Variants in KCND2 observed in about 807,000 individuals in gnomAD.
KCND2 encodes A-type voltage-gated potassium channel KCND2.
Under a neutral mutation model 54.4 loss-of-function variants are expected in KCND2, and 16 were observed. That is an observed-to-expected ratio of 0.29 (90% CI 0.20 to 0.45). KCND2 has a LOEUF of 0.45. Among genes scored for constraint, KCND2 ranks in the 20% least tolerant of loss-of-function variants. The pLI, the probability that KCND2 is intolerant of heterozygous loss-of-function variation, is 1.00. For synonymous variants in KCND2, 317 were observed against 310.7 expected, an observed-to-expected ratio of 1.02 and a Z score of -0.21; for missense variants, 486 against 824.2, an observed-to-expected ratio of 0.59 and a Z score of 5.02.
At chr7:120,609,872 T>C in intron 1 of KCND2, among the ~76,000 whole-genome samples, 1 of 152,110 alleles carries the variant, frequency 6.6e-6, no homozygotes, top group East Asian at 1.9e-4. Context: ...AGCCCTTTTC[T>C]CACTCACCCT....
At chr7:120,522,930 A>C (rs1037165300) in intron 1 of KCND2, among the ~76,000 whole-genome samples, 1 of 152,174 alleles carries the variant, frequency 6.6e-6, no homozygotes, top group African/African-American at 2.4e-5. Flanking sequence ...TGCCTTCGTT[A>C]CTTAGACATA....
At chr7:120,675,273 C>T (rs981073232) in intron 1 of KCND2, among the ~76,000 whole-genome samples, 4 of 152,046 alleles carry the variant, frequency 2.6e-5, no homozygotes, top group African/African-American at 9.7e-5. Context: ...TGCTCTGTCC[C>T]CCGAGCTGGA....
intron 1 of KCND2, among the ~76,000 whole-genome samples, chr7:120,332,064 T>C (rs1478498059): frequency 6.6e-6 from 1 of 152,096 alleles, no homozygotes; most frequent in Non-Finnish European, 1.5e-5. Context: ...TCGGTTGGCT[T>C]TAAAAATATC....
chr7:120,742,484 C>T, intron 3 of KCND2, 26 bp from the exon 4 acceptor site: 2 of 1,580,592 alleles, frequency 1.3e-6, no homozygotes, highest in South Asian at 2.2e-5. Context: ...AAATAGAAAG[C>T]TCTTCTGTCT....
At chr7:120,420,592 G>T (rs1236930564) in intron 1 of KCND2, among the ~76,000 whole-genome samples, 2 of 152,122 alleles carry the variant, frequency 1.3e-5, no homozygotes, top group Non-Finnish European at 2.9e-5. Flanking sequence ...TTTCAGAAGG[G>T]TGCATATCCA....
chr7:120,653,939 T>A (rs911423269), intron 1 of KCND2, among the ~76,000 whole-genome samples: 2 of 152,210 alleles, frequency 1.3e-5, no homozygotes, highest in Non-Finnish European at 2.9e-5. Context: ...CAGGCTTGTT[T>A]CCCCACAGGG....
chr7:120,556,875 G>A (rs747654780), intron 1 of KCND2, among the ~76,000 whole-genome samples: 1 of 152,162 alleles, frequency 6.6e-6, no homozygotes, highest in Non-Finnish European at 1.5e-5. Context: ...TACCTTGGAT[G>A]GAGATTTGTC....
intron 1 of KCND2, among the ~76,000 whole-genome samples, chr7:120,296,036 A>G (rs1382686372): frequency 6.6e-6 from 1 of 152,164 alleles, no homozygotes; most frequent in Non-Finnish European, 1.5e-5. Flanking sequence ...ATACTCAAGT[A>G]TAATCTACAA....
intron 1 of KCND2, among the ~76,000 whole-genome samples, chr7:120,509,149 A>G (rs550152532): frequency 9.6e-4 from 146 of 152,088 alleles, no homozygotes; most frequent in African/African-American, 3.3e-3. Flanking sequence ...GTGTTAGGTA[A>G]CTCTCACAAC....
At chr7:120,311,162 G>A (rs541913293) in intron 1 of KCND2, among the ~76,000 whole-genome samples, 1 of 151,998 alleles carries the variant, frequency 6.6e-6, no homozygotes, top group African/African-American at 2.4e-5. Flanking sequence ...TTAGGTTCCT[G>A]ATTAACAGAG....
intron 1 of KCND2, among the ~76,000 whole-genome samples, chr7:120,436,942 A>C (rs1033678099): frequency 3.3e-5 from 5 of 152,130 alleles, no homozygotes; most frequent in Admixed American, 2.6e-4. Context: ...TGGAGACTTG[A>C]TCTATGGATA....
At chr7:120,318,716 A>G (rs146691555) in intron 1 of KCND2, among the ~76,000 whole-genome samples, 1 of 152,084 alleles carries the variant, frequency 6.6e-6, no homozygotes, top group Non-Finnish European at 1.5e-5. Context: ...GTCTCATGTT[A>G]TGAAGAAATA....
rs1271249357 is a variant in KCND2, at chr7:120,273,839, T to G, written c.-794T>G. On this transcript the variant is annotated 5_prime_UTR_variant, in exon 1 of 6. Transcript: ENST00000331113. ...CGCCACGGCGGCGGCGGCTGCCAGC[T>G]CCTGAGCTCTGTAACTGTCACACTG... The G allele has an allele frequency of 1.3e-5, 2 of 152,802 alleles. No homozygotes were observed. Among genetic ancestry groups the G allele is most frequent in the Non-Finnish European group, 1.5e-5 (1 of 68,236 alleles). 9.5% of individuals were successfully genotyped at this position (152,802 alleles called of 1,614,324 possible).
Position 120,455,967 on chromosome 7 carries a change from G to A in KCND2, c.1115+180220G>A. ...CATATACCCTTAAACCTAAGCAAAA[G>A]TTAAAAAAATAAAAGCACTTAGCAT... On this transcript the variant is annotated intron_variant, in intron 1 of 5. Transcript: ENST00000331113. Among the ~76,000 whole-genome samples the A allele has an allele frequency of 1.3e-5, 2 of 152,002 alleles. 1 individual carries two copies. The highest frequency in any genetic ancestry group is 4.2e-4 in the South Asian group (2 of 4,818).
intron 1 of KCND2, among the ~76,000 whole-genome samples, chr7:120,502,380 G>A (rs955816464): frequency 6.6e-6 from 1 of 151,994 alleles, no homozygotes; most frequent in African/African-American, 2.4e-5. Flanking sequence ...GGAGAGCAGA[G>A]GGGAGGGGTA....
chr7:120,299,922 A>T (rs1010382589), intron 1 of KCND2, among the ~76,000 whole-genome samples: 3 of 152,212 alleles, frequency 2.0e-5, no homozygotes, highest in Non-Finnish European at 4.4e-5. Context: ...TTTGAAGAGT[A>T]ATGTTGAAAT....
intron 1 of KCND2, among the ~76,000 whole-genome samples, chr7:120,677,043 G>A (rs1489626877): frequency 6.6e-6 from 1 of 152,136 alleles, no homozygotes; most frequent in Non-Finnish European, 1.5e-5. Context: ...GAAAAATCAA[G>A]CAAGTGTGTA....
intron 1 of KCND2, among the ~76,000 whole-genome samples, chr7:120,491,113 A>G (rs2116299925): frequency 6.6e-6 from 1 of 152,256 alleles, no homozygotes; most frequent in East Asian, 1.9e-4. Context: ...CAAATCCTCA[A>G]AATTAAGCAG....
intron 1 of KCND2, among the ~76,000 whole-genome samples, chr7:120,443,370 T>C (rs532408187): frequency 1.3e-4 from 19 of 149,322 alleles, no homozygotes; most frequent in Non-Finnish European, 2.4e-4. Context: ...ATAATAATAA[T>C]AATAATAATA....
Sources: allele counts gnomAD v4.1 joint callset (sites outside exome capture counted in the v4.1 genomes callset), GRCh38; gene constraint gnomAD v4.1.1; transcripts MANE v1.5; gene names NCBI Gene and HGNC (gene_info 2026-07-23, HGNC 2026-07-21).